The following KIFAP3 variants were observed in gnomAD, a reference collection of about 807,000 sequenced individuals.
KIFAP3 encodes the protein kinesin associated protein 3, also known as kinesin-associated protein 3.
KIFAP3 carries 68 observed loss-of-function variants against 106.5 expected under a neutral mutation model. The observed-to-expected ratio is 0.64, with a 90% CI of 0.53 to 0.78. The LOEUF (loss-of-function observed/expected upper bound fraction) is 0.78, where lower values mean the gene tolerates loss of function less well. Ranked by LOEUF, KIFAP3 falls within the 30% of genes least tolerant of loss-of-function variation. The pLI is 0.00. For synonymous variants in KIFAP3, 320 were observed against 311.5 expected (o/e 1.03, Z -0.29); for missense variants, 780 against 941.8 (o/e 0.83, Z 2.25).
chr1:169,977,138 C>T (rs1666258048), intron 16 of KIFAP3, among the ~76,000 whole-genome samples: 1 of 152,166 alleles, frequency 6.6e-6, no homozygotes, highest in South Asian at 2.1e-4. Context: ...ACACATAAGC[C>T]AGTATCTGTT....
intron 8 of KIFAP3, among the ~76,000 whole-genome samples, chr1:170,026,081 G>A (rs1669087676): frequency 6.6e-6 from 1 of 152,122 alleles, no homozygotes; most frequent in Admixed American, 6.5e-5. Flanking sequence ...GAAGACAAAG[G>A]CAGAGACTGG....
chr1:170,004,886 A>G (rs1317490656), intron 10 of KIFAP3, among the ~76,000 whole-genome samples: 6 of 151,752 alleles, frequency 4.0e-5, no homozygotes, highest in Admixed American at 2.6e-4. Flanking sequence ...GAACTTCTGC[A>G]CAGCAAAAGA....
At chr1:170,041,923 C>A (rs902122080) in intron 3 of KIFAP3, 1 of 1,252,708 alleles carries the variant, frequency 8.0e-7, no homozygotes, top group Non-Finnish European at 1.0e-6. Flanking sequence ...TACTCCTGGG[C>A]GATTTCGTTT....
At chr1:170,054,417 T>C (rs1040144427) in intron 2 of KIFAP3, among the ~76,000 whole-genome samples, 1 of 152,232 alleles carries the variant, frequency 6.6e-6, no homozygotes, top group East Asian at 1.9e-4. Flanking sequence ...CTCAAGGATC[T>C]AGAACCAGAA....
intron 10 of KIFAP3, among the ~76,000 whole-genome samples, chr1:170,015,725 TGCTGGGA>T (rs1329656631): frequency 2.6e-5 from 4 of 152,132 alleles, no homozygotes; most frequent in Non-Finnish European, 5.9e-5. Context: ...GTAAAGTATA[TGCTGGGA>T]ACTGGCAGGA....
chr1:170,023,910 A>C (rs1668981176), intron 9 of KIFAP3, among the ~76,000 whole-genome samples: 1 of 152,100 alleles, frequency 6.6e-6, no homozygotes, highest in Admixed American at 6.5e-5. Context: ...TGGCACTAGA[A>C]TGAAAAGAAG....
chr1:169,983,885 T>C (rs570323138), intron 12 of KIFAP3, among the ~76,000 whole-genome samples: 3 of 151,850 alleles, frequency 2.0e-5, no homozygotes, highest in Admixed American at 6.6e-5. Context: ...ATGAACTATA[T>C]CCATAATAGT....
chr1:169,976,280 T>C (rs557809835), intron 16 of KIFAP3, among the ~76,000 whole-genome samples: 3 of 152,302 alleles, frequency 2.0e-5, no homozygotes, highest in African/African-American at 7.2e-5. Context: ...TCTATAGTTA[T>C]GTAAATTTTA....
intron 1 of KIFAP3, among the ~76,000 whole-genome samples, chr1:170,066,531 A>G (rs935647987): frequency 2.0e-5 from 3 of 152,182 alleles, no homozygotes; most frequent in Admixed American, 2.0e-4. Flanking sequence ...AGGCACAAAA[A>G]ATTACAGTGC....
At chr1:170,061,371 T>C (rs1211488771) in intron 1 of KIFAP3, among the ~76,000 whole-genome samples, 1 of 152,206 alleles carries the variant, frequency 6.6e-6, no homozygotes. Flanking sequence ...CAGGCACTTC[T>C]CAAAAGAAGA....
At chr1:170,074,755 C>G (rs766118350), upstream of KIFAP3, 10 of 1,306,060 alleles carry the variant, frequency 7.7e-6, no homozygotes, top group African/African-American at 3.0e-5. Flanking sequence ...CAGGCTCAGT[C>G]TGAGGCGGTG....
intron 18 of KIFAP3, among the ~76,000 whole-genome samples, chr1:169,957,013 C>T (rs896078931): frequency 1.3e-5 from 2 of 152,132 alleles, no homozygotes; most frequent in Non-Finnish European, 2.9e-5. Flanking sequence ...TCTTTCTTTA[C>T]TAGAATGAGG....
intron 17 of KIFAP3, among the ~76,000 whole-genome samples, chr1:169,961,743 C>T (rs1416069802): frequency 6.6e-6 from 1 of 152,028 alleles, no homozygotes; most frequent in Non-Finnish European, 1.5e-5. Flanking sequence ...GATTCACTTC[C>T]ACTTGGTGAA....
chr1:170,045,505 C>T lies in KIFAP3; in HGVS notation c.319+1207G>A, dbSNP rs150198358. ...TCTTGCCATACTTTATGCAAATAGT[C>T]AGGCAAAGTATAACACTTATTTTGC... On this transcript the variant is annotated intron_variant, in intron 3 of 19. Coordinates refer to ENST00000361580, the MANE Select transcript of KIFAP3 (RefSeq NM_014970.4). Among the ~76,000 whole-genome samples, 897 of 152,256 alleles carry T rather than the reference C, an allele frequency of 5.9e-3. 7 individuals carry two copies. The highest frequency in any genetic ancestry group is 0.02 in the African/African-American group (847 of 41,554).
intron 19 of KIFAP3, among the ~76,000 whole-genome samples, chr1:169,924,859 C>T (rs570420819): frequency 6.6e-6 from 1 of 152,092 alleles, no homozygotes; most frequent in Non-Finnish European, 1.5e-5. Context: ...AAAAAGGCAA[C>T]GTTGCAGGAA....
At chr1:169,947,994 C>T (rs1664529583) in intron 19 of KIFAP3, among the ~76,000 whole-genome samples, 2 of 150,416 alleles carry the variant, frequency 1.3e-5, no homozygotes, top group Non-Finnish European at 3.0e-5. Context: ...ACAAAAATAA[C>T]GTTGTAAAAA....
At chr1:170,065,612 TCA>T (rs1491517226) in intron 1 of KIFAP3, among the ~76,000 whole-genome samples, 1 of 37,430 alleles carries the variant, frequency 2.7e-5, no homozygotes, top group Admixed American at 4.4e-4. Flanking sequence ...AGACTCCACC[TCA>T]AAAAAAAAAA....
chr1:170,067,062 A>C (rs1671482395), intron 1 of KIFAP3, among the ~76,000 whole-genome samples: 1 of 152,170 alleles, frequency 6.6e-6, no homozygotes, highest in Non-Finnish European at 1.5e-5. Flanking sequence ...TAAGAATAAT[A>C]ATAAATAAAT....
rs909934672 is a variant in KIFAP3, at chr1:169,973,485, TGGAG to T, written c.1898-891_1898-888del. Among the ~76,000 whole-genome samples, 38 of 146,100 alleles carry T rather than the reference TGGAG, an allele frequency of 2.6e-4. 1 individual carries two copies. Among genetic ancestry groups the T allele is most frequent in the Non-Finnish European group, 1.5e-5 (1 of 66,324 alleles). On this transcript the variant is annotated intron_variant, in intron 16 of 19. Transcript: ENST00000361580. ...ACATTTGCATACTTAGAAAAATCAATGGAGGATGATATACCAAGTCAAATTCTAG... is the reference window on the plus strand; with the variant it reads ...ACATTTGCATACTTAGAAAAATCAATGATGATATACCAAGTCAAATTCTAG...
Sources: gnomAD v4.1 joint callset for allele counts (sites outside exome capture counted in the v4.1 genomes callset) on GRCh38, gnomAD v4.1.1 for gene constraint, MANE v1.5 for transcripts, NCBI Gene and HGNC (gene_info 2026-07-23, HGNC 2026-07-21) for gene names.